The following DSE variants were observed in gnomAD, a reference collection of about 807,000 sequenced individuals.
DSE encodes the protein dermatan sulfate epimerase, also known as dermatan-sulfate epimerase.
DSE carries 36 observed loss-of-function variants against 84.4 expected under a neutral mutation model. The ratio of observed to expected loss-of-function variants is 0.43; its 90% CI spans 0.33 to 0.56. DSE has a LOEUF of 0.56. DSE is among the 20% of genes least tolerant of loss of function. The pLI, the probability that DSE is intolerant of heterozygous loss-of-function variation, is 0.06. For synonymous variants in DSE, 410 were observed against 430.1 expected, an observed-to-expected ratio of 0.95 and a Z score of 0.58; for missense variants, 862 against 1,169.6, an observed-to-expected ratio of 0.74 and a Z score of 3.84.
intron 2 of DSE, among the ~76,000 whole-genome samples, chr6:116,263,946 A>G (rs886255483): frequency 6.6e-6 from 1 of 152,150 alleles, no homozygotes; most frequent in African/African-American, 2.4e-5. Flanking sequence ...GGCTTGTAGG[A>G]TTTCCACTAA....
chr6:116,283,394 A>G (rs541173412), intron 2 of DSE, among the ~76,000 whole-genome samples: 12 of 152,304 alleles, frequency 7.9e-5, no homozygotes, highest in Admixed American at 6.5e-4. Context: ...TTCTCCTCTT[A>G]GGGACTAGTT....
chr6:116,262,685 T>C (rs753980207), intron 2 of DSE, among the ~76,000 whole-genome samples: 37 of 152,184 alleles, frequency 2.4e-4, no homozygotes, highest in Non-Finnish European at 3.2e-4. Context: ...GGTTCTCTAT[T>C]TCTTCTAGTT....
chr6:116,299,144 A>G (rs767631483), intron 2 of DSE, among the ~76,000 whole-genome samples: 26 of 152,200 alleles, frequency 1.7e-4, no homozygotes, highest in Non-Finnish European at 3.5e-4. Context: ...TTAAGTAATA[A>G]GTATGGGAAA....
At chr6:116,317,498 C>G (rs1776053395) in intron 2 of DSE, among the ~76,000 whole-genome samples, 1 of 152,328 alleles carries the variant, frequency 6.6e-6, no homozygotes, top group East Asian at 1.9e-4. Flanking sequence ...GTGCTGAACT[C>G]TCTAACCCAT....
intron 2 of DSE, among the ~76,000 whole-genome samples, chr6:116,332,386 G>C (rs532297376): frequency 6.7e-6 from 1 of 150,158 alleles, no homozygotes; most frequent in Non-Finnish European, 1.5e-5. Context: ...GTGTGTGTGT[G>C]TGTGTGTAAG....
rs1341244388 is a variant in DSE, at chr6:116,435,965, G to A, written c.1497G>A (p.Val499=). 1.9e-6 allele frequency: 3 copies of A among 1,614,144 alleles called. No individual in the cohort carries two copies. The highest frequency in any genetic ancestry group is 1.7e-6 in the Non-Finnish European group (2 of 1,180,018). ...AVSKSCFSPW[V]GQVTEDCSSK... is the part of the protein sequence containing the mutation. ...CAAAGAGCTGCTTTTCTCCCTGGGT[G>A]GGTCAGGTCACAGAAGACTGCTCAT... Residue 499 remains valine, a synonymous_variant, in exon 6 of 6, where the codon GTG becomes GTA. Coordinates refer to ENST00000644252, the MANE Select transcript of DSE (RefSeq NM_013352.4).
chr6:116,397,086 A>G (rs1390085728), intron 1 of DSE, among the ~76,000 whole-genome samples: 1 of 152,098 alleles, frequency 6.6e-6, no homozygotes, highest in Non-Finnish European at 1.5e-5. Context: ...TAAAGGAGAA[A>G]GTGTCTAAAA....
chr6:116,307,641 A>G (rs992636196), intron 2 of DSE, among the ~76,000 whole-genome samples: 1 of 152,196 alleles, frequency 6.6e-6, no homozygotes, highest in Non-Finnish European at 1.5e-5. Flanking sequence ...GTCTCTGTTT[A>G]TTATCCTTAC....
chr6:116,353,839 T>C (rs1233947511), intron 2 of DSE, among the ~76,000 whole-genome samples: 1 of 152,202 alleles, frequency 6.6e-6, no homozygotes, highest in Admixed American at 6.5e-5. Context: ...TTTGTGAGCT[T>C]TAATGGCTGA....
chr6:116,433,483 G>C lies in DSE; in HGVS notation c.1051G>C (p.Val351Leu). The C allele has an allele frequency of 3.2e-6, 5 of 1,561,740 alleles. No homozygotes were observed. The highest frequency in any genetic ancestry group is 4.3e-6 in the Non-Finnish European group (5 of 1,151,720). Reference protein sequence around the residue: ...WLADQIRRNRVVEGPGTPSKG... With the variant: ...WLADQIRRNRLVEGPGTPSKG... ...AGCTGACCAAATCAGAAGGAACCGT[G>C]TGGTGGAAGGTCCAGGAACACCATC... The change falls in exon 5 of 6, where the codon GTG (valine) becomes CTG (leucine). Residue 351 changes from valine (V) to leucine (L), a missense_variant. This residue lies in a region of DSE where 309 missense variants were observed against 516.9 expected (regional missense o/e 0.60). Transcript: ENST00000644252.
chr6:116,278,450 T>G, intron 2 of DSE: 1 of 1,607,564 alleles, frequency 6.2e-7, no homozygotes, highest in Non-Finnish European at 8.5e-7. Flanking sequence ...TCATTGCTGA[T>G]GCCCAAGCAC....
intron 1 of DSE, among the ~76,000 whole-genome samples, chr6:116,381,394 CTG>C (rs1188785500): frequency 6.6e-6 from 1 of 152,110 alleles, no homozygotes; most frequent in Non-Finnish European, 1.5e-5. Context: ...TTGGACAAGA[CTG>C]TTGCTCATTT....
Position 116,305,740 on chromosome 6 carries a change from C to T in DSE, c.-54+46773C>T, listed in dbSNP as rs371857970. 7.2e-5 allele frequency among the ~76,000 whole-genome samples: 11 copies of T among 152,176 alleles called. No homozygotes were observed. In the East Asian group the frequency reaches 2.1e-3, roughly 29 times the overall value. On this transcript the variant is annotated intron_variant, in intron 2 of 3. Coordinates refer to the DSE transcript ENST00000430252. ...GAAATCTCTGCCTCCCAGGTTCAAGCGATTCTCCTGCTTTAGCCCCCTGAG... is the reference window on the plus strand; with the variant it reads ...GAAATCTCTGCCTCCCAGGTTCAAGTGATTCTCCTGCTTTAGCCCCCTGAG...
At chr6:116,288,363 G>T (rs1303912540) in intron 2 of DSE, 1 of 152,044 alleles carries the variant, frequency 6.6e-6, no homozygotes, top group Non-Finnish European at 1.5e-5. Context: ...TATTGTGCAA[G>T]GTATAATCTG....
chr6:116,406,664 G>A lies in DSE; in HGVS notation c.416+6998G>A, dbSNP rs74963380. 3.3e-4 allele frequency among the ~76,000 whole-genome samples: 50 copies of A among 152,286 alleles called. No homozygotes were observed. In the East Asian group the frequency reaches 8.1e-3, roughly 25 times the overall value. On this transcript the variant is annotated intron_variant, in intron 2 of 5. Coordinates refer to ENST00000644252, the MANE Select transcript of DSE (RefSeq NM_013352.4). ...ATGGAGTCCTTTATAAAGCTGGGTAGTTCCTTTTACCTTAGGTATCTTAAG... is the reference window on the plus strand; with the variant it reads ...ATGGAGTCCTTTATAAAGCTGGGTAATTCCTTTTACCTTAGGTATCTTAAG...
At chr6:116,269,063 C>T (rs1389728868) in intron 2 of DSE, among the ~76,000 whole-genome samples, 1 of 151,652 alleles carries the variant, frequency 6.6e-6, no homozygotes. Context: ...CCTGCTTTCA[C>T]CAGTCTTAAG....
intron 2 of DSE, among the ~76,000 whole-genome samples, chr6:116,306,075 T>C (rs1173903237): frequency 6.6e-6 from 1 of 152,160 alleles, no homozygotes; most frequent in Non-Finnish European, 1.5e-5. Flanking sequence ...TGTGTATAGA[T>C]ACACATACAC....
At chr6:116,325,140 C>T (rs1416713642) in intron 2 of DSE, among the ~76,000 whole-genome samples, 1 of 152,160 alleles carries the variant, frequency 6.6e-6, no homozygotes, top group African/African-American at 2.4e-5. Flanking sequence ...CATAGGAGTC[C>T]TTCAGACACC....
chr6:116,366,571 TTAGG>T (rs1779176703), upstream of DSE: 1 of 152,210 alleles, frequency 6.6e-6, no homozygotes, highest in Non-Finnish European at 1.5e-5. Flanking sequence ...TTAGGACACC[TTAGG>T]TAGTTTATAA....
Sources: gnomAD v4.1 joint callset for allele counts (sites outside exome capture counted in the v4.1 genomes callset) on GRCh38, gnomAD v4.1.1 for gene constraint, gnomAD v4.1.1 regional missense constraint, MANE v1.5 for transcripts, NCBI Gene and HGNC (gene_info 2026-07-23, HGNC 2026-07-21) for gene names.